VPS13D: variants seen among roughly 807,000 people sequenced by gnomAD.
VPS13D encodes the protein vacuolar protein sorting 13 homolog D.
A neutral mutation model predicts 461.9 loss-of-function variants in VPS13D; 187 were observed. That is an observed-to-expected ratio of 0.40 (90% confidence interval 0.36 to 0.46). The LOEUF is 0.46. Among genes scored for constraint, VPS13D ranks in the 20% least tolerant of loss-of-function variants. VPS13D has a pLI of 0.60. For synonymous variants in VPS13D, 1,951 were observed against 1,986.3 expected, an observed-to-expected ratio of 0.98 and a Z score of 0.47; for missense variants, 4,711 against 5,364.9, an observed-to-expected ratio of 0.88 and a Z score of 3.81.
chr1:12,288,186 A>G, intron 21 of VPS13D, 37 bp from the exon 22 acceptor site: 11 of 1,541,878 alleles, frequency 7.1e-6, no homozygotes, highest in Non-Finnish European at 9.8e-6. Context: ...TTTTCTCCCC[A>G]GTAATATTGG....
chr1:12,499,138 A>G (rs962218138), intron 68 of VPS13D, among the ~76,000 whole-genome samples: 5 of 151,902 alleles, frequency 3.3e-5, no homozygotes, highest in Non-Finnish European at 7.4e-5. Flanking sequence ...TGGGGGGTCT[A>G]GAGACCCCCC....
At chr1:12,412,889 C>G (rs1225876311) in intron 63 of VPS13D, among the ~76,000 whole-genome samples, 1 of 152,052 alleles carries the variant, frequency 6.6e-6, no homozygotes, top group African/African-American at 2.4e-5. Context: ...AAGATATTTG[C>G]AACACATCTG....
chr1:12,267,154 T>G, intron 14 of VPS13D, 143 bp downstream of exon 14: 1 of 902,512 alleles, frequency 1.1e-6, no homozygotes, highest in Non-Finnish European at 1.5e-6. Context: ...TTGAAATTGT[T>G]AAAGAGCAAA....
chr1:12,501,136 T>C (rs1327163997), intron 68 of VPS13D, among the ~76,000 whole-genome samples: 1 of 152,114 alleles, frequency 6.6e-6, no homozygotes, highest in Non-Finnish European at 1.5e-5. Context: ...TTTTCTTATC[T>C]ACTTTGTAAA....
chr1:12,472,322 C>A (rs1645573569), intron 67 of VPS13D, among the ~76,000 whole-genome samples: 1 of 152,180 alleles, frequency 6.6e-6, no homozygotes, highest in Non-Finnish European at 1.5e-5. Context: ...CTCTGGGCTC[C>A]TGTTGAGAGG....
chr1:12,381,219 C>T (rs2101646192), intron 57 of VPS13D, among the ~76,000 whole-genome samples: 1 of 152,330 alleles, frequency 6.6e-6, no homozygotes, highest in African/African-American at 2.4e-5. Flanking sequence ...TTTTCTGACA[C>T]TGCTCTTATT....
Position 12,275,994 on chromosome 1 carries a change from A to G in VPS13D, c.2406A>G (p.Glu802=). 6.2e-7 allele frequency: 1 copy of G among 1,613,946 alleles called. No homozygotes were observed. The highest frequency in any genetic ancestry group is 8.5e-7 in the Non-Finnish European group (1 of 1,180,008). Residue 802 remains glutamate, a synonymous_variant, in exon 19 of 70, where the codon GAA becomes GAG. Transcript: ENST00000620676. The stretch of plus-strand genomic sequence containing the variant: ...TTTCTGGAGTTGAGTTCAGTGAAGA[A>G]CAGCTTCAAGCACATTTAATGAGCA... ...PPFSGVEFSE[E]QLQAHLMSTK...
intron 67 of VPS13D, among the ~76,000 whole-genome samples, chr1:12,492,937 G>C (rs1250144168): frequency 6.6e-6 from 1 of 152,076 alleles, no homozygotes; most frequent in Non-Finnish European, 1.5e-5. Flanking sequence ...TTTGAAATGT[G>C]GTAAGGCTAC....
chr1:12,335,802 G>T lies in VPS13D; in HGVS notation c.8526G>T (p.Ser2842=). Residue 2842 remains serine (S), a synonymous_variant, in exon 39 of 70, where the codon TCG becomes TCT. Transcript: ENST00000620676. The part of the protein sequence containing the change: ...SAKSEDWMGS[S]VDPPCFGQSL... ...AATCAGAAGACTGGATGGGCTCTTC[G>T]GTGGATCCTCCATGTTTTGGACAAA... The T allele has an allele frequency of 1.2e-6, 2 of 1,614,046 alleles. No individual in the cohort carries two copies. Among genetic ancestry groups the T allele is most frequent in the African/African-American group, 1.3e-5 (1 of 75,012 alleles).
At chr1:12,259,147 T>G (rs1012156361) in intron 10 of VPS13D, among the ~76,000 whole-genome samples, 10 of 151,780 alleles carry the variant, frequency 6.6e-5, no homozygotes, top group Admixed American at 4.6e-4. Flanking sequence ...GCTCAAGCCA[T>G]TCTCCCAACT....
At chr1:12,391,667 C>G (rs1290429076) in intron 60 of VPS13D, among the ~76,000 whole-genome samples, 2 of 152,132 alleles carry the variant, frequency 1.3e-5, no homozygotes, top group Admixed American at 1.3e-4. Flanking sequence ...TGATCTCTGA[C>G]TCCTGACCTC....
rs201662695 is a variant in VPS13D, at chr1:12,288,321, G to A, written c.5725+8G>A. 43 of 1,613,730 alleles carry A rather than the reference G, an allele frequency of 2.7e-5. No individual in the cohort carries two copies. Among genetic ancestry groups the A allele is most frequent in the Non-Finnish European group, 3.4e-5 (40 of 1,179,644 alleles). The stretch of plus-strand genomic sequence containing the variant: ...CACACCTGGAAATGATTGGTAAGTG[G>A]TGGGGGGTGGAGGGAAGCAAACTTG... On this transcript the variant is annotated splice_region_variant and intron_variant, in intron 22 of 69. Transcript: ENST00000620676.
rs765453553 is a variant in VPS13D at position 12,270,987 on chromosome 1, C to A, written c.1973-7C>A. 1.2e-6 allele frequency: 2 copies of A among 1,613,330 alleles called. No homozygotes were observed. The highest frequency in any genetic ancestry group is 3.3e-5 in the Admixed American group (2 of 59,942). On this transcript the variant is annotated splice_region_variant and splice_polypyrimidine_tract_variant and intron_variant, in intron 16 of 69. Coordinates refer to ENST00000620676, the MANE Select transcript of VPS13D (RefSeq NM_015378.4). ...TCTGACTCTGCTGTGTATTTCCAACCTTGCAGGTTTTGGTTATCAGTCTGA... is the reference window on the plus strand; with the variant it reads ...TCTGACTCTGCTGTGTATTTCCAACATTGCAGGTTTTGGTTATCAGTCTGA...
At chr1:12,247,948 C>T (rs551631705) in intron 5 of VPS13D, among the ~76,000 whole-genome samples, 71 of 150,220 alleles carry the variant, frequency 4.7e-4, no homozygotes, top group African/African-American at 7.1e-4. Context: ...AGTGCAGTGG[C>T]GTGATCCCGG....
At chr1:12,333,433 A>C in intron 38 of VPS13D, 67 bp downstream of exon 38, 1 of 1,576,622 alleles carries the variant, frequency 6.3e-7, no homozygotes, top group Non-Finnish European at 8.6e-7. Flanking sequence ...CTGGAAGACT[A>C]TTAATCCTGG....
At position 12,473,403 on chromosome 1, in the gene VPS13D, G is replaced by T. The variant is rs998570761; in HGVS notation, c.12662+13007G>T. 3.9e-5 allele frequency among the ~76,000 whole-genome samples: 6 copies of T among 152,222 alleles called. No homozygotes were observed. The highest frequency in any genetic ancestry group is 1.4e-4 in the African/African-American group (6 of 41,456). ...AAGAAGGGGTTCCGCAGCACTGGCT[G>T]CTTCCGGCATCTGCAGTGCGAGGGT... On this transcript the variant is annotated intron_variant, in intron 67 of 69. Coordinates refer to ENST00000620676, the MANE Select transcript of VPS13D (RefSeq NM_015378.4). This position sits in a 1 kb window ranked among gnomAD's most constrained non-coding sequence, Gnocchi z 4.2.
chr1:12,505,108 G>A lies in VPS13D; in HGVS notation c.12795-1745G>A, dbSNP rs1340735850. On this transcript the variant is annotated intron_variant, in intron 68 of 69. Transcript: ENST00000620676. The surrounding 1 kb of genome is among the most constrained non-coding windows in gnomAD (Gnocchi z 4.2). ...TTGGAGAGCCCGTGACGGCCTCAGT[G>A]GCTGTGCACCAGGCCCACCGATGCT... Among the ~76,000 whole-genome samples, 2 of 152,176 alleles carry A rather than the reference G, an allele frequency of 1.3e-5. No individual in the cohort carries two copies. The highest frequency in any genetic ancestry group is 2.9e-5 in the Non-Finnish European group (2 of 68,028).
rs1191772187 is a variant in VPS13D, at chr1:12,469,305, A to G, written c.12662+8909A>G. 2.0e-5 allele frequency among the ~76,000 whole-genome samples: 3 copies of G among 152,204 alleles called. No homozygotes were observed. In the East Asian group the frequency reaches 5.8e-4, roughly 29 times the overall value. Reference sequence around the variant, plus strand: ...TATATATGAATTTATAGATATAACAATTTTTATAATAGTATTCTCTAATGA... The same window carrying G: ...TATATATGAATTTATAGATATAACAGTTTTTATAATAGTATTCTCTAATGA... On this transcript the variant is annotated intron_variant, in intron 67 of 69. Coordinates refer to ENST00000620676, the MANE Select transcript of VPS13D (RefSeq NM_015378.4).
intron 67 of VPS13D, among the ~76,000 whole-genome samples, chr1:12,494,912 G>A (rs1339287211): frequency 6.6e-6 from 1 of 152,082 alleles, no homozygotes; most frequent in Non-Finnish European, 1.5e-5. Context: ...TCAATTAATG[G>A]CCCTTATACC....
Sources: gnomAD v4.1 joint callset for allele counts (sites outside exome capture counted in the v4.1 genomes callset) on GRCh38, gnomAD v4.1.1 for gene constraint, Gnocchi (gnomAD v3.1) non-coding constraint, MANE v1.5 for transcripts, NCBI Gene and HGNC (gene_info 2026-07-23, HGNC 2026-07-21) for gene names.